Variants in MCTP1 observed in about 807,000 individuals in gnomAD.
MCTP1 encodes multiple C2 and transmembrane domain-containing protein 1.
MCTP1 carries 69 observed loss-of-function variants against 120.6 expected under a neutral mutation model. That is an observed-to-expected ratio of 0.57 (90% CI 0.47 to 0.70). The LOEUF (loss-of-function observed/expected upper bound fraction) is 0.70, where lower values mean the gene tolerates loss of function less well. Among genes scored for constraint, MCTP1 ranks in the 30% least tolerant of loss-of-function variants. The probability of loss-of-function intolerance (pLI) is 0.00; values close to 1 mark genes in which losing one functional copy is unlikely to be tolerated. For synonymous variants in MCTP1, 529 were observed against 493.1 expected, an observed-to-expected ratio of 1.07 and a Z score of -0.96; for missense variants, 1,203 against 1,248.8, an observed-to-expected ratio of 0.96 and a Z score of 0.55.
intron 6 of MCTP1, among the ~76,000 whole-genome samples, chr5:94,928,557 C>G (rs1278339686): frequency 6.6e-6 from 1 of 152,094 alleles, no homozygotes; most frequent in Non-Finnish European, 1.5e-5. Flanking sequence ...AGACATCAGC[C>G]CCTTTCTTCT....
intron 1 of MCTP1, among the ~76,000 whole-genome samples, chr5:95,236,658 G>A (rs781620232): frequency 6.6e-6 from 1 of 152,148 alleles, no homozygotes; most frequent in Non-Finnish European, 1.5e-5. Flanking sequence ...AGCCTGTTGG[G>A]TGATAATGGG....
chr5:94,758,550 AG>A (rs994287973), intron 19 of MCTP1, among the ~76,000 whole-genome samples: 1 of 152,246 alleles, frequency 6.6e-6, no homozygotes, highest in African/African-American at 2.4e-5. Context: ...TAACGAAGTC[AG>A]TCAACTCTTA....
chr5:95,187,920 T>C (rs908895613), intron 1 of MCTP1, among the ~76,000 whole-genome samples: 1 of 152,104 alleles, frequency 6.6e-6, no homozygotes, highest in African/African-American at 2.4e-5. Context: ...GGGATAGATA[T>C]CCCATTCTCC....
intron 18 of MCTP1, among the ~76,000 whole-genome samples, chr5:94,785,805 C>T (rs945612683): frequency 5.9e-5 from 9 of 151,884 alleles, no homozygotes; most frequent in Admixed American, 2.0e-4. Context: ...TTCTGTAAAG[C>T]AAGAAAAGGG....
chr5:95,171,975 G>T (rs992928656), intron 1 of MCTP1, among the ~76,000 whole-genome samples: 3 of 152,180 alleles, frequency 2.0e-5, no homozygotes, highest in African/African-American at 7.2e-5. Context: ...TTTAAAGGGG[G>T]AGAGGTGCTT....
At chr5:95,081,519 G>A in intron 1 of MCTP1, 1 of 1,594,950 alleles carries the variant, frequency 6.3e-7, no homozygotes, top group Non-Finnish European at 8.5e-7. Context: ...TTTCACTCCA[G>A]TGAGAGAACT....
In MCTP1 at chr5:94,706,676, G is replaced by A. The variant is rs1178116970; in HGVS notation, c.*820C>T. Reference sequence around the variant, plus strand: ...AAAGCGATATGGATATAGTTTCCTAGTATTTTTGATAACTGTACTTACTGG... The same window carrying A: ...AAAGCGATATGGATATAGTTTCCTAATATTTTTGATAACTGTACTTACTGG... On this transcript the variant is annotated 3_prime_UTR_variant, in exon 23 of 23. Coordinates refer to ENST00000515393, the MANE Select transcript of MCTP1 (RefSeq NM_024717.7). The A allele has an allele frequency of 6.6e-6, 1 of 150,714 alleles. No homozygotes were observed. Among genetic ancestry groups the A allele is most frequent in the Non-Finnish European group, 1.5e-5 (1 of 67,664 alleles). 9.3% of individuals were successfully genotyped at this position (150,714 alleles called of 1,614,324 possible). A position where few individuals can be genotyped will look rare whatever the true frequency, so the allele number is the denominator to read the frequency against.
intron 1 of MCTP1, among the ~76,000 whole-genome samples, chr5:95,212,417 C>T (rs906903856): frequency 7.4e-5 from 11 of 148,814 alleles, no homozygotes; most frequent in African/African-American, 2.3e-4. Flanking sequence ...GATTCACAGC[C>T]GAATTCTACC....
chr5:95,079,689 T>C (rs1754434136), intron 1 of MCTP1, among the ~76,000 whole-genome samples: 1 of 152,030 alleles, frequency 6.6e-6, no homozygotes, highest in African/African-American at 2.4e-5. Context: ...CAGCACAGGA[T>C]ATGAAGATAG....
At chr5:94,748,910 G>A (rs1042242267) in intron 19 of MCTP1, among the ~76,000 whole-genome samples, 5 of 151,692 alleles carry the variant, frequency 3.3e-5, no homozygotes, top group African/African-American at 9.7e-5. Flanking sequence ...ACTGGCCACC[G>A]TCTGCAATAG....
intron 10 of MCTP1, among the ~76,000 whole-genome samples, chr5:94,897,450 G>A (rs1427340186): frequency 6.6e-6 from 1 of 152,094 alleles, no homozygotes; most frequent in East Asian, 1.9e-4. Context: ...TCTGTCTCCT[G>A]GGTTCAAGCA....
rs543172248 is a variant in MCTP1, at chr5:94,721,363, T to G, written c.2611-6477A>C. ...TGAAGAAAATTTTTAATAGCCACTTTAAAATCCAAGTGCTGATGTATGATT... is the reference window on the plus strand; with the variant it reads ...TGAAGAAAATTTTTAATAGCCACTTGAAAATCCAAGTGCTGATGTATGATT... On this transcript the variant is annotated intron_variant, in intron 19 of 22. Transcript: ENST00000515393. 2.6e-5 allele frequency among the ~76,000 whole-genome samples: 4 copies of G among 152,356 alleles called. No individual in the cohort carries two copies. The East Asian group carries it at 7.7e-4, about 29-fold the overall frequency.
chr5:95,175,080 C>A (rs1747806200), intron 1 of MCTP1, among the ~76,000 whole-genome samples: 2 of 152,090 alleles, frequency 1.3e-5, no homozygotes, highest in Non-Finnish European at 2.9e-5. Flanking sequence ...AAGAAAAAAA[C>A]TTGTTCTCCA....
At position 94,745,060 on chromosome 5, in the gene MCTP1, G is replaced by C. The variant is rs1178983665; in HGVS notation, c.2611-30174C>G. On this transcript the variant is annotated intron_variant, in intron 19 of 22. Coordinates refer to ENST00000515393, the MANE Select transcript of MCTP1 (RefSeq NM_024717.7). ...AGACTCCAGAGTAGTCCTATGACAT[G>C]CTCCCACCCACAGAGAGTAAGAATG... Among the ~76,000 whole-genome samples, 5 of 144,390 alleles carry C rather than the reference G, an allele frequency of 3.5e-5. No homozygotes were observed. In the Admixed American group the frequency reaches 3.6e-4, roughly 10 times the overall value. The allele number at this position is 144,390 out of a possible 152,430, so 94.7% of individuals were successfully genotyped here.
intron 19 of MCTP1, among the ~76,000 whole-genome samples, chr5:94,717,036 A>G (rs936208790): frequency 1.3e-5 from 2 of 152,184 alleles, no homozygotes; most frequent in African/African-American, 4.8e-5. Flanking sequence ...TGCGTTAACT[A>G]TTTGGGGAAA....
intron 2 of MCTP1, 106 bp from the exon 3 acceptor site, chr5:94,953,467 G>C: frequency 2.4e-6 from 2 of 847,778 alleles, no homozygotes; most frequent in Non-Finnish European, 3.3e-6. Context: ...AAAGTTAAAT[G>C]AAAATTATCT....
At chr5:94,980,532 A>C (rs1382352215) in intron 2 of MCTP1, among the ~76,000 whole-genome samples, 18 of 152,158 alleles carry the variant, frequency 1.2e-4, no homozygotes, top group Non-Finnish European at 2.6e-4. Context: ...TATGTGATAT[A>C]GTATATTTTG....
At chr5:95,025,274 A>G (rs918433107) in intron 1 of MCTP1, among the ~76,000 whole-genome samples, 2 of 152,238 alleles carry the variant, frequency 1.3e-5, no homozygotes, top group Non-Finnish European at 2.9e-5. Context: ...TACATTTATG[A>G]TCAATTGAGT....
intron 6 of MCTP1, chr5:94,931,233 TA>T (rs1290216601): frequency 6.6e-6 from 1 of 152,088 alleles, no homozygotes; most frequent in Non-Finnish European, 1.5e-5. Flanking sequence ...TAGTCATTAT[TA>T]AAAAGGAATA....
Sources: gnomAD v4.1 joint callset for allele counts (sites outside exome capture counted in the v4.1 genomes callset) on GRCh38, gnomAD v4.1.1 for gene constraint, MANE v1.5 for transcripts, NCBI Gene and HGNC (gene_info 2026-07-23, HGNC 2026-07-21) for gene names.